Variants in CCDC149 observed in about 807,000 individuals in gnomAD.
The protein encoded by CCDC149 is coiled-coil domain containing 149.
Under a neutral mutation model 59.9 loss-of-function variants are expected in CCDC149, and 45 were observed. The ratio of observed to expected loss-of-function variants is 0.75; its 90% CI spans 0.59 to 0.96. The LOEUF (loss-of-function observed/expected upper bound fraction) is 0.96, where lower values mean the gene tolerates loss of function less well. Ranked by LOEUF, CCDC149 falls within the 40% of genes least tolerant of loss-of-function variation. CCDC149 has a pLI of 0.00. For synonymous variants in CCDC149, 245 were observed against 260.6 expected, an observed-to-expected ratio of 0.94 and a Z score of 0.58; for missense variants, 584 against 664.7, an observed-to-expected ratio of 0.88 and a Z score of 1.33.
At chr4:24,859,901 T>A (rs973099026) in intron 3 of CCDC149, among the ~76,000 whole-genome samples, 4 of 152,136 alleles carry the variant, frequency 2.6e-5, no homozygotes, top group Non-Finnish European at 5.9e-5. Flanking sequence ...ATGAAAGACC[T>A]CTATAAGGAA....
intron 12 of CCDC149, among the ~76,000 whole-genome samples, chr4:24,817,205 G>A (rs540845870): frequency 1.3e-5 from 2 of 152,250 alleles, no homozygotes; most frequent in Non-Finnish European, 2.9e-5. Flanking sequence ...AGCAAGCCTA[G>A]AACAGACAGA....
At chr4:24,844,120 C>T (rs541965476) in intron 4 of CCDC149, among the ~76,000 whole-genome samples, 36 of 151,128 alleles carry the variant, frequency 2.4e-4, no homozygotes, top group Non-Finnish European at 3.0e-5. Context: ...ACTCTCAATC[C>T]ACACTGCCCT....
At chr4:24,911,479 G>A (rs1286719133) in intron 1 of CCDC149, among the ~76,000 whole-genome samples, 1 of 152,150 alleles carries the variant, frequency 6.6e-6, no homozygotes, top group Non-Finnish European at 1.5e-5. Flanking sequence ...CTATTTAAGG[G>A]CCTAACACTG....
chr4:24,907,060 A>G (rs952027715), intron 1 of CCDC149, among the ~76,000 whole-genome samples: 8 of 152,200 alleles, frequency 5.3e-5, no homozygotes, highest in African/African-American at 1.9e-4. Context: ...TGCAGATTAC[A>G]TTTCCACTAC....
At chr4:24,876,077 C>T (rs1719401016) in intron 2 of CCDC149, among the ~76,000 whole-genome samples, 1 of 152,094 alleles carries the variant, frequency 6.6e-6, no homozygotes, top group Non-Finnish European at 1.5e-5. Flanking sequence ...AGGGTATCCA[C>T]GATGCCTACG....
intron 1 of CCDC149, among the ~76,000 whole-genome samples, chr4:24,936,317 T>TTTA (rs2109345184): frequency 6.6e-6 from 1 of 152,146 alleles, no homozygotes; most frequent in Admixed American, 6.5e-5. Flanking sequence ...CACATATTTT[T>TTTA]ATAATGATTG....
At chr4:24,877,399 G>C (rs1424354754) in intron 1 of CCDC149, among the ~76,000 whole-genome samples, 1 of 152,054 alleles carries the variant, frequency 6.6e-6, no homozygotes, top group Non-Finnish European at 1.5e-5. Flanking sequence ...GGCCAGGCTG[G>C]TCTTGAATTC....
intron 12 of CCDC149, among the ~76,000 whole-genome samples, chr4:24,818,088 T>A (rs1319955181): frequency 6.6e-6 from 1 of 152,052 alleles, no homozygotes; most frequent in Non-Finnish European, 1.5e-5. Context: ...GAAGCCCTCC[T>A]GACAAAAAAA....
chr4:24,939,823 T>C (rs1384327870), intron 1 of CCDC149, among the ~76,000 whole-genome samples: 1 of 151,992 alleles, frequency 6.6e-6, no homozygotes, highest in South Asian at 2.1e-4. Context: ...AATGAAACGA[T>C]GCGTGAAGAG....
At chr4:24,842,162 C>T (rs560509971) in intron 4 of CCDC149, among the ~76,000 whole-genome samples, 1 of 152,308 alleles carries the variant, frequency 6.6e-6, no homozygotes, top group South Asian at 2.1e-4. Context: ...CAGAACCTAA[C>T]CCTAAGTAAG....
At chr4:24,805,535 G>T (rs1330084659), downstream of CCDC149, among the ~76,000 whole-genome samples, 1 of 152,142 alleles carries the variant, frequency 6.6e-6, no homozygotes, top group East Asian at 1.9e-4. Context: ...ATTCTGTTTT[G>T]GTGTTCAGCC....
intron 4 of CCDC149, among the ~76,000 whole-genome samples, chr4:24,841,797 A>G (rs1350639737): frequency 6.6e-6 from 1 of 152,206 alleles, no homozygotes; most frequent in Non-Finnish European, 1.5e-5. Context: ...CACAGCAGTA[A>G]AAGTGTAGGC....
intron 3 of CCDC149, 26 bp from the exon 4 acceptor site, chr4:24,853,205 T>G: frequency 6.6e-7 from 1 of 1,522,840 alleles, no homozygotes; most frequent in African/African-American, 1.4e-5. Context: ...CATTATGAAA[T>G]ACAATCAGAA....
chr4:24,812,223 A>G (rs1714658425), intron 12 of CCDC149, among the ~76,000 whole-genome samples: 1 of 152,234 alleles, frequency 6.6e-6, no homozygotes, highest in African/African-American at 2.4e-5. Context: ...TTGGACCTGA[A>G]ATCTTTGAGG....
chr4:24,952,610 AAAAAAAAAAAAAAAAAATATATATAT>A (rs1298900089), intron 1 of CCDC149, among the ~76,000 whole-genome samples: 4 of 35,472 alleles, frequency 1.1e-4, no homozygotes, highest in African/African-American at 4.5e-4. Flanking sequence ...AAAAAAAAAA[AAAAAAAAAAAAAAAAAATATATATAT>A]ATATATATAT....
chr4:24,886,572 C>T (rs1352257769), intron 1 of CCDC149, among the ~76,000 whole-genome samples: 1 of 152,214 alleles, frequency 6.6e-6, no homozygotes, highest in Non-Finnish European at 1.5e-5. Flanking sequence ...GAGAAAACAA[C>T]AAATGTGCAT....
At chr4:24,902,836 C>A (rs1348953129) in intron 1 of CCDC149, among the ~76,000 whole-genome samples, 2 of 151,786 alleles carry the variant, frequency 1.3e-5, no homozygotes, top group African/African-American at 2.4e-5. Context: ...CTGGCCTGGA[C>A]AAGAAGGCAA....
intron 8 of CCDC149, 67 bp downstream of exon 8, chr4:24,834,881 G>T: frequency 8.4e-7 from 1 of 1,192,310 alleles, no homozygotes; most frequent in Non-Finnish European, 1.2e-6. Context: ...AGCCTGGATG[G>T]GATGTGGGCT....
intron 1 of CCDC149, among the ~76,000 whole-genome samples, chr4:24,922,772 A>G (rs538020044): frequency 4.1e-4 from 63 of 152,298 alleles, no homozygotes; most frequent in African/African-American, 1.4e-3. Context: ...GGCTTCTGCT[A>G]TATTCCAAGT....
Sources: gnomAD v4.1 joint callset for allele counts (sites outside exome capture counted in the v4.1 genomes callset) on GRCh38, gnomAD v4.1.1 for gene constraint, MANE v1.5 for transcripts, NCBI Gene and HGNC (gene_info 2026-07-23, HGNC 2026-07-21) for gene names.